Variants in CWF19L2 observed in about 807,000 individuals in gnomAD.
CWF19L2 encodes the protein CWF19-like protein 2.
In CWF19L2, 98 loss-of-function variants were observed where a neutral mutation model predicts 111.7. That is an observed-to-expected ratio of 0.88 (90% CI 0.75 to 1.04). CWF19L2 has a LOEUF of 1.04. CWF19L2 is among the 50% of genes least tolerant of loss of function. The pLI, the probability that CWF19L2 is intolerant of heterozygous loss-of-function variation, is 0.00. For missense variants in CWF19L2, 1,101 were observed against 1,051.4 expected, an observed-to-expected ratio of 1.05 and a Z score of -0.65; for synonymous variants, 351 against 342.9, an observed-to-expected ratio of 1.02 and a Z score of -0.26.
At chr11:107,417,758 ATT>A (rs10537173) in intron 9 of CWF19L2, among the ~76,000 whole-genome samples, 68,194 of 146,920 alleles carry the variant, frequency 0.46, 15,789 homozygotes, top group African/African-American at 0.56. Flanking sequence ...AGGTTCGAGA[ATT>A]TTTTTTTTTT....
Position 107,441,555 on chromosome 11 carries a change from T to A in CWF19L2, c.518A>T (p.Glu173Val). ...CTCTATTTTCCTCATAGTTTCCTTT[T>A]CAGCTTTGAGTGATGATGATGACAC... ...KTVSSSSLKA[E>V]KETMRKIEQE... Residue 173 changes from glutamate to valine, a missense_variant, in exon 5 of 18, where the codon GAA becomes GTA. By Grantham distance (121) the Glu-to-Val change is moderately radical. Coordinates refer to ENST00000282251, the MANE Select transcript of CWF19L2 (RefSeq NM_152434.3). The A allele has an allele frequency of 6.4e-7, 1 of 1,553,090 alleles. No homozygotes were observed. The highest frequency in any genetic ancestry group is 8.7e-7 in the Non-Finnish European group (1 of 1,147,742).
intron 12 of CWF19L2, among the ~76,000 whole-genome samples, chr11:107,384,584 T>C (rs966042616): frequency 6.6e-6 from 1 of 152,192 alleles, no homozygotes; most frequent in African/African-American, 2.4e-5. Flanking sequence ...AGATTTTATA[T>C]CCTAGTCCAG....
intron 3 of CWF19L2, among the ~76,000 whole-genome samples, chr11:107,447,118 C>T (rs1000717266): frequency 2.6e-5 from 4 of 152,138 alleles, no homozygotes; most frequent in Middle Eastern, 3.2e-3. Flanking sequence ...TGGCATCAAA[C>T]TAGAAATACA....
rs546837567 is a variant in CWF19L2 at position 107,364,274 on chromosome 11, A to G, written c.1873-10538T>C. 9.4e-3 allele frequency among the ~76,000 whole-genome samples: 1,373 copies of G among 145,524 alleles called. 69 individuals carry two copies. The highest frequency in any genetic ancestry group is 0.016 in the South Asian group (74 of 4,560). On this transcript the variant is annotated intron_variant, in intron 12 of 17. Coordinates refer to ENST00000282251, the MANE Select transcript of CWF19L2 (RefSeq NM_152434.3). ...CATTAGACAGATCAACGAGACAGAA[A>G]GTCAACAAGGATACCCAGGAATTGA...
chr11:107,408,000 G>A (rs994348817), intron 10 of CWF19L2, among the ~76,000 whole-genome samples: 1 of 151,792 alleles, frequency 6.6e-6, no homozygotes, highest in African/African-American at 2.4e-5. Flanking sequence ...AACAAATAAG[G>A]CTTACAGATA....
At chr11:107,439,266 G>T in intron 5 of CWF19L2, 83 bp from the exon 6 acceptor site, 2 of 780,122 alleles carry the variant, frequency 2.6e-6, no homozygotes, top group Non-Finnish European at 4.3e-6. Flanking sequence ...CTGAGACCCA[G>T]TTAATAGTCA....
intron 3 of CWF19L2, among the ~76,000 whole-genome samples, chr11:107,443,771 G>C (rs1861665070): frequency 6.6e-6 from 1 of 152,134 alleles, no homozygotes; most frequent in Non-Finnish European, 1.5e-5. Context: ...GATTTCCCTT[G>C]ATCTAAAACT....
intron 3 of CWF19L2, among the ~76,000 whole-genome samples, chr11:107,451,857 A>G (rs1258384957): frequency 6.6e-6 from 1 of 152,192 alleles, no homozygotes; most frequent in Non-Finnish European, 1.5e-5. Context: ...TAGATGCAAA[A>G]AAAGCACTTA....
chr11:107,407,316 T>G (rs1861093086), intron 10 of CWF19L2, among the ~76,000 whole-genome samples: 1 of 152,126 alleles, frequency 6.6e-6, no homozygotes, highest in Non-Finnish European at 1.5e-5. Flanking sequence ...TGGGTTTGTT[T>G]TTTTTCCACT....
intron 8 of CWF19L2, among the ~76,000 whole-genome samples, chr11:107,425,788 A>G (rs562515575): frequency 3.4e-4 from 51 of 152,056 alleles, no homozygotes; most frequent in Admixed American, 9.2e-4. Context: ...AATGACATCC[A>G]AAGGTTAAAA....
intron 12 of CWF19L2, 58 bp from the exon 13 acceptor site, chr11:107,353,794 C>T: frequency 7.8e-7 from 1 of 1,278,838 alleles, no homozygotes; most frequent in Non-Finnish European, 1.1e-6. Flanking sequence ...GATTTTACTG[C>T]ACTGTGGTAT....
At chr11:107,397,304 C>T (rs1030322768) in intron 10 of CWF19L2, among the ~76,000 whole-genome samples, 3 of 152,154 alleles carry the variant, frequency 2.0e-5, no homozygotes, top group African/African-American at 4.8e-5. Context: ...AGCCTGGAAA[C>T]AGACTCCACG....
At chr11:107,387,570 G>A (rs1327475246) in intron 12 of CWF19L2, among the ~76,000 whole-genome samples, 1 of 151,996 alleles carries the variant, frequency 6.6e-6, no homozygotes, top group African/African-American at 2.4e-5. Context: ...AACCTTTTTG[G>A]CACCAAGGAC....
intron 13 of CWF19L2, among the ~76,000 whole-genome samples, chr11:107,352,286 A>ACCCTCT (rs1860166670): frequency 8.1e-5 from 3 of 36,918 alleles, no homozygotes; most frequent in Non-Finnish European, 1.6e-4. Context: ...TTCCCACGAA[A>ACCCTCT]TGCAAGAGCA....
intron 13 of CWF19L2, among the ~76,000 whole-genome samples, chr11:107,350,865 A>T (rs1264503196): frequency 6.6e-6 from 1 of 152,098 alleles, no homozygotes; most frequent in East Asian, 1.9e-4. Context: ...ACACAAGAAG[A>T]AACTCCCAGG....
chr11:107,358,038 G>A (rs548097245), intron 12 of CWF19L2, among the ~76,000 whole-genome samples: 44 of 152,232 alleles, frequency 2.9e-4, no homozygotes, highest in African/African-American at 1.1e-3. Flanking sequence ...AAATGACAGT[G>A]AGTTAGCCAT....
At position 107,455,680 on chromosome 11, in the gene CWF19L2, C is replaced by G. The variant is rs756256340; in HGVS notation, c.202G>C (p.Glu68Gln). The G allele has an allele frequency of 6.5e-7, 1 of 1,547,274 alleles. No homozygotes were observed. Among genetic ancestry groups the G allele is most frequent in the South Asian group, 1.2e-5 (1 of 83,722 alleles). The stretch of plus-strand genomic sequence containing the variant: ...TTAGTATTCACCTGTGAGAACTGTT[C>G]AATTCTCTCATTCACATCAGGTAGC... Reference protein sequence around the residue: ...WMLPDVNERIEQFSQEHSVKK... With the variant: ...WMLPDVNERIQQFSQEHSVKK... The change falls in exon 2 of 18, where the codon GAA (glutamate) becomes CAA (glutamine). Residue 68 changes from glutamate to glutamine, a missense_variant. Glu to Gln is a conservative substitution (Grantham distance 29, BLOSUM62 2). Transcript: ENST00000282251.
chr11:107,450,081 A>AGT (rs1861757080), intron 3 of CWF19L2, among the ~76,000 whole-genome samples: 1 of 151,472 alleles, frequency 6.6e-6, no homozygotes, highest in Non-Finnish European at 1.5e-5. Flanking sequence ...CCTGGGTGAC[A>AGT]GTGTGAGACT....
intron 10 of CWF19L2, among the ~76,000 whole-genome samples, chr11:107,397,317 G>C (rs770074837): frequency 2.0e-5 from 3 of 152,132 alleles, no homozygotes; most frequent in Non-Finnish European, 4.4e-5. Flanking sequence ...ACTCCACGCT[G>C]TTGGTGGGGG....
Sources: allele counts gnomAD v4.1 joint callset (sites outside exome capture counted in the v4.1 genomes callset), GRCh38; gene constraint gnomAD v4.1.1; transcripts MANE v1.5; gene names NCBI Gene and HGNC (gene_info 2026-07-23, HGNC 2026-07-21).